Variants in DNMT1 observed in about 807,000 individuals in gnomAD.
DNMT1 encodes DNA (cytosine-5)-methyltransferase 1.
Under a neutral mutation model 205.3 loss-of-function variants are expected in DNMT1, and 24 were observed. That is an observed-to-expected ratio of 0.12 (90% CI 0.08 to 0.16). The LOEUF is 0.16. Among genes scored for constraint, DNMT1 ranks in the 10% least tolerant of loss-of-function variants. The pLI is 1.00. For synonymous variants in DNMT1, 817 were observed against 839.8 expected, an observed-to-expected ratio of 0.97 and a Z score of 0.47; for missense variants, 1,293 against 2,177.7, an observed-to-expected ratio of 0.59 and a Z score of 8.09.
At position 10,138,560 on chromosome 19, in the gene DNMT1, G is replaced by A. The variant is rs1214095420; in HGVS notation, c.3994C>T (p.Leu1332=). ...VAQTRRRAII[L]AAAPGEKLPL... ...AGCTTCTCTCCAGGGGCCGCGGCCA[G>A]GATGATGGCCCGCCTCCTAGTCTGG... The change falls in exon 35 of 41, where the codon CTG becomes TTG. Residue 1332 remains leucine (L), a synonymous_variant. Transcript: ENST00000359526. This position sits in a 1 kb window ranked among gnomAD's most constrained non-coding sequence, Gnocchi z 4.1. 2 of 1,610,146 alleles carry A rather than the reference G, an allele frequency of 1.2e-6. No individual in the cohort carries two copies. Among genetic ancestry groups the A allele is most frequent in the South Asian group, 1.1e-5 (1 of 91,082 alleles).
intron 39 of DNMT1, chr19:10,135,322 C>A (rs570591481): frequency 8.2e-6 from 2 of 242,644 alleles, no homozygotes; most frequent in African/African-American, 4.5e-5. Flanking sequence ...TTAAGCAATG[C>A]GCGTGCCCTA....
At position 10,140,180 on chromosome 19, in the gene DNMT1, G is replaced by A. The variant is rs761230208; in HGVS notation, c.3672C>T (p.Gly1224=). The change falls in exon 33 of 41, where the codon GGC becomes GGT. Residue 1224 remains glycine, a synonymous_variant. Transcript: ENST00000359526. This position sits in a 1 kb window ranked among gnomAD's most constrained non-coding sequence, Gnocchi z 8.4. ...VMAGETTNSR[G]QRLPQKGDVE... ...CGTCTCCCTTCTGGGGCAGCCGCTG[G>A]CCGCGGGAGTTGGTGGTCTCCCCAG... 3 of 1,613,972 alleles carry A rather than the reference G, an allele frequency of 1.9e-6. No individual in the cohort carries two copies. The highest frequency in any genetic ancestry group is 2.7e-5 in the African/African-American group (2 of 75,056).
chr19:10,166,729 G>T lies in DNMT1; in HGVS notation c.804-44C>A, dbSNP rs752166860. 2.5e-5 allele frequency: 40 copies of T among 1,611,030 alleles called. 1 individual carries two copies. In the South Asian group the frequency reaches 4.3e-4, roughly 17 times the overall value. On this transcript the variant is annotated intron_variant, in intron 10 of 40. Coordinates refer to ENST00000359526, the MANE Select transcript of DNMT1 (RefSeq NM_001130823.3). ...CACACACAGGCTGGTCAGCTCGGGG[G>T]GGGCCCTGCACCGGGGCCAACAGCT...
rs550244119 is a variant in DNMT1, at chr19:10,180,366, G to A, written c.429C>T (p.Ser143=). ...TGCTCTTACGCTTAGCCTCTCCATC[G>A]GACTTGCTCCTCCTGGGCGTGCGAG... ...SKPRTPRRSK[S]DGEAKRSRDP... Residue 143 remains serine, a synonymous_variant, in exon 4 of 41, where the codon TCC becomes TCT. Transcript: ENST00000359526. 9.3e-6 allele frequency: 15 copies of A among 1,612,932 alleles called. No individual in the cohort carries two copies. The highest frequency in any genetic ancestry group is 5.5e-5 in the South Asian group (5 of 91,058).
chr19:10,153,955 A>G (rs1428549460), intron 22 of DNMT1, among the ~76,000 whole-genome samples: 2 of 152,228 alleles, frequency 1.3e-5, no homozygotes, highest in Non-Finnish European at 2.9e-5. Flanking sequence ...TAAGCTGGAC[A>G]AAGTGCCCAC....
At position 10,139,437 on chromosome 19, in the gene DNMT1, C is replaced by T. The variant is rs147522862; in HGVS notation, c.3948+239G>A. On this transcript the variant is annotated intron_variant, in intron 34 of 40. Transcript: ENST00000359526. ...TGCATGGCGAGAAGCCCATTGTAGCCAGCCCTCCCAGGCATGTTCGAGAAC... is the reference window on the plus strand; with the variant it reads ...TGCATGGCGAGAAGCCCATTGTAGCTAGCCCTCCCAGGCATGTTCGAGAAC... Among the ~76,000 whole-genome samples, 1,214 of 152,366 alleles carry T rather than the reference C, an allele frequency of 8.0e-3. 10 individuals are homozygous for T. The highest frequency in any genetic ancestry group is 0.012 in the Non-Finnish European group (826 of 68,040).
At chr19:10,139,137 G>A (rs968282054) in intron 34 of DNMT1, among the ~76,000 whole-genome samples, 2 of 152,214 alleles carry the variant, frequency 1.3e-5, no homozygotes, top group African/African-American at 2.4e-5. Context: ...GAGAGGATGG[G>A]GGATGCTTTT....
At chr19:10,148,455 C>T (rs914782415) in intron 27 of DNMT1, among the ~76,000 whole-genome samples, 6 of 147,490 alleles carry the variant, frequency 4.1e-5, no homozygotes, top group African/African-American at 1.5e-4. Flanking sequence ...AAGATCGCAC[C>T]ACTGCACTCC....
At chr19:10,183,624 G>A (rs146158435) in intron 1 of DNMT1, among the ~76,000 whole-genome samples, 2,356 of 151,762 alleles carry the variant, frequency 0.016, 69 homozygotes, top group African/African-American at 0.055. Flanking sequence ...GCAGCAGTTG[G>A]GTGGATTACC....
chr19:10,179,640 G>A (rs1385536526), intron 5 of DNMT1, among the ~76,000 whole-genome samples: 1 of 152,062 alleles, frequency 6.6e-6, no homozygotes. Context: ...ACTGACCTGG[G>A]GTCCAAGTTT....
rs1479058746 is a variant in DNMT1, at chr19:10,164,598, G to GAGCAAGA, written c.892-1245_892-1239dup. On this transcript the variant is annotated intron_variant, in intron 11 of 40. Transcript: ENST00000359526. Reference sequence around the variant, plus strand: ...CTCCTGCACTCTAGCCTGGGAAACAGAGCAAGATCCTGTCTCAAAAACAAA... The same window carrying GAGCAAGA: ...CTCCTGCACTCTAGCCTGGGAAACAGAGCAAGAAGCAAGATCCTGTCTCAAAAACAAA... Among the ~76,000 whole-genome samples the GAGCAAGA allele has an allele frequency of 2.0e-5, 3 of 151,932 alleles. No individual in the cohort carries two copies. In the South Asian group the frequency reaches 6.2e-4, roughly 32 times the overall value.
Position 10,134,253 on chromosome 19 carries a change from G to T in DNMT1, c.4828C>A (p.Leu1610Ile). ...LAKAIGLEIK[L>I]CMLAKARESA... The stretch of plus-strand genomic sequence containing the variant: ...TCTCGGGCTTTGGCCAACATACAAA[G>T]CTTGATCTCCAAGCCAATGGCTTTG... Residue 1610 changes from leucine (L) to isoleucine (I), a missense_variant, in exon 40 of 41, where the codon CTT (leucine) becomes ATT (isoleucine). By Grantham distance (5) the Leu-to-Ile change is conservative (BLOSUM62 2). Around this residue, in one of 13 missense-constraint regions of DNMT1, gnomAD observed 37 missense variants for 36.3 expected, o/e 1.02. Coordinates refer to ENST00000359526, the MANE Select transcript of DNMT1 (RefSeq NM_001130823.3). The T allele has an allele frequency of 6.2e-7, 1 of 1,614,176 alleles. No homozygotes were observed. The highest frequency in any genetic ancestry group is 8.5e-7 in the Non-Finnish European group (1 of 1,180,046).
intron 1 of DNMT1, 196 bp downstream of exon 1, chr19:10,194,624 T>G: frequency 1.6e-6 from 1 of 643,944 alleles, no homozygotes. Context: ...CACGGTCCAT[T>G]TTGGCGCCAA....
chr19:10,192,188 A>G (rs1050792778), intron 1 of DNMT1, among the ~76,000 whole-genome samples: 2 of 151,904 alleles, frequency 1.3e-5, no homozygotes, highest in African/African-American at 4.8e-5. Context: ...CAGGAGGCTA[A>G]GGCAGGAGGA....
chr19:10,166,721 G>A (rs1191573143), intron 10 of DNMT1, 36 bp from the exon 11 acceptor site: 5 of 1,612,452 alleles, frequency 3.1e-6, no homozygotes, highest in Non-Finnish European at 4.2e-6. Flanking sequence ...AGGCTGGTCA[G>A]CTCGGGGGGG....
intron 3 of DNMT1, 90 bp from the exon 4 acceptor site, chr19:10,180,659 T>C (rs879079473): frequency 6.8e-7 from 1 of 1,460,546 alleles, no homozygotes; most frequent in South Asian, 1.1e-5. Flanking sequence ...ATCATCATCA[T>C]CATCATCATC....
At chr19:10,168,462 A>G in intron 9 of DNMT1, 98 bp from the exon 10 acceptor site, 1 of 1,265,958 alleles carries the variant, frequency 7.9e-7, no homozygotes. Flanking sequence ...AACTGATTCT[A>G]GAGTCCACTG....
At chr19:10,164,018 A>G (rs149481337) in intron 11 of DNMT1, among the ~76,000 whole-genome samples, 2,703 of 152,316 alleles carry the variant, frequency 0.018, 59 homozygotes, top group Admixed American at 0.06. Context: ...CACTGCAGGA[A>G]GCCCAGAGGG....
In DNMT1 at chr19:10,148,925, C is replaced by T; in HGVS notation, c.2679G>A (p.Glu893=). Residue 893 remains glutamate (E), a synonymous_variant, in exon 27 of 41, where the codon GAG becomes GAA. Coordinates refer to ENST00000359526, the MANE Select transcript of DNMT1 (RefSeq NM_001130823.3). ...LWYDQDYARF[E]SPPKTQPTED... Reference sequence around the variant, plus strand: ...CTGTTGGCTGGGTTTTTGGAGGGGACTCGAATCTCGCGTAGTCTTGATCAT... The same window carrying T: ...CTGTTGGCTGGGTTTTTGGAGGGGATTCGAATCTCGCGTAGTCTTGATCAT... 1 of 1,614,172 alleles carries T rather than the reference C, an allele frequency of 6.2e-7. No homozygotes were observed. Among genetic ancestry groups the T allele is most frequent in the Non-Finnish European group, 8.5e-7 (1 of 1,180,028 alleles).
Sources: allele counts gnomAD v4.1 joint callset (sites outside exome capture counted in the v4.1 genomes callset), GRCh38; gene constraint gnomAD v4.1.1; regional missense constraint gnomAD v4.1.1; non-coding constraint Gnocchi (gnomAD v3.1); transcripts MANE v1.5; gene names NCBI Gene and HGNC (gene_info 2026-07-23, HGNC 2026-07-21).